Variants in NLK observed in about 807,000 individuals in gnomAD.
NLK encodes nemo like kinase, also known as serine/threonine-protein kinase NLK.
NLK carries 11 observed loss-of-function variants against 59.0 expected under a neutral mutation model. That is an observed-to-expected ratio of 0.19 (90% CI 0.12 to 0.31). The LOEUF (loss-of-function observed/expected upper bound fraction) is 0.31. Ranked by LOEUF, NLK falls within the 10% of genes least tolerant of loss-of-function variation. The probability of loss-of-function intolerance (pLI) is 1.00; values close to 1 mark genes in which losing one functional copy is unlikely to be tolerated. For missense variants in NLK, 410 were observed against 661.1 expected (o/e 0.62, Z 4.16); for synonymous variants, 235 against 235.9 (o/e 1.00, Z 0.03).
At chr17:28,059,227 T>C (rs1384939490) in intron 1 of NLK, among the ~76,000 whole-genome samples, 1 of 152,138 alleles carries the variant, frequency 6.6e-6, no homozygotes, top group Non-Finnish European at 1.5e-5. Flanking sequence ...AGGACACTTG[T>C]TATTATTTAT....
intron 1 of NLK, chr17:28,048,008 G>A (rs1272768662): frequency 2.5e-6 from 1 of 398,268 alleles, no homozygotes; most frequent in Non-Finnish European, 4.4e-6. Flanking sequence ...TTTGTGAAAA[G>A]AGCTTTGAAG....
intron 1 of NLK, among the ~76,000 whole-genome samples, chr17:28,064,842 A>G (rs953607463): frequency 5.9e-5 from 9 of 152,238 alleles, no homozygotes; most frequent in Non-Finnish European, 1.0e-4. Flanking sequence ...AGGGGTTATA[A>G]TGGTACCTAT....
chr17:28,055,984 GTAA>G (rs1485562526), intron 1 of NLK, among the ~76,000 whole-genome samples: 1 of 152,122 alleles, frequency 6.6e-6, no homozygotes, highest in Admixed American at 6.5e-5. Context: ...TATTATCAGA[GTAA>G]TAGTATGTTT....
At chr17:28,172,717 A>G (rs190798519) in intron 7 of NLK, 99 bp downstream of exon 7, 255 of 554,612 alleles carry the variant, frequency 4.6e-4, no homozygotes, top group Middle Eastern at 6.2e-4. Flanking sequence ...CAAATGTATT[A>G]TCTGTAGGAT....
At chr17:28,141,723 A>G (rs763594049) in intron 3 of NLK, among the ~76,000 whole-genome samples, 2 of 152,226 alleles carry the variant, frequency 1.3e-5, no homozygotes, top group Non-Finnish European at 2.9e-5. Context: ...TGAAGTTTAC[A>G]TGACTGATAT....
chr17:28,133,515 G>C (rs559681405), intron 3 of NLK, among the ~76,000 whole-genome samples: 35 of 152,094 alleles, frequency 2.3e-4, no homozygotes, highest in Non-Finnish European at 4.6e-4. Context: ...AATAATGCCT[G>C]GTGATAGCTC....
chr17:28,121,290 C>A (rs111739556), intron 1 of NLK, among the ~76,000 whole-genome samples: 3 of 149,736 alleles, frequency 2.0e-5, no homozygotes, highest in Non-Finnish European at 4.4e-5. Flanking sequence ...AGGGGCTGAA[C>A]GATAATAGCT....
the NLK span, among the ~76,000 whole-genome samples, chr17:28,202,016 A>C: frequency 6.6e-6 from 1 of 152,164 alleles, no homozygotes; most frequent in Admixed American, 6.6e-5. Context: ...ACTCTGTCTC[A>C]AAAGGAAAAA....
At chr17:28,111,078 T>C (rs1597686857) in intron 1 of NLK, among the ~76,000 whole-genome samples, 1 of 152,188 alleles carries the variant, frequency 6.6e-6, no homozygotes, top group Admixed American at 6.5e-5. Flanking sequence ...TCTCCTGACC[T>C]CGTGATCCGC....
intron 1 of NLK, among the ~76,000 whole-genome samples, 158 bp from the exon 2 acceptor site, chr17:28,122,444 CT>C (rs1328193861): frequency 6.6e-6 from 1 of 151,898 alleles, no homozygotes; most frequent in Non-Finnish European, 1.5e-5. Context: ...GATATGTACT[CT>C]TTTATCTTTC....
At chr17:28,144,277 C>T (rs1369755439) in intron 3 of NLK, among the ~76,000 whole-genome samples, 3 of 151,754 alleles carry the variant, frequency 2.0e-5, no homozygotes, top group South Asian at 4.2e-4. Flanking sequence ...TTTTAAAGCA[C>T]TGTTTAAAGT....
chr17:28,168,652 C>A lies in NLK; in HGVS notation c.1042C>A (p.Gln348Lys). 6.2e-7 allele frequency: 1 copy of A among 1,612,136 alleles called. No individual in the cohort carries two copies. Among genetic ancestry groups the A allele is most frequent in the South Asian group, 1.1e-5 (1 of 91,024 alleles). Reference sequence around the variant, plus strand: ...ATTGTTTCAGGCACAGAGTCCCATTCAGCAGGTATGATTTCAATTTAAGGC... The same window carrying A: ...ATTGTTTCAGGCACAGAGTCCCATTAAGCAGGTATGATTTCAATTTAAGGC... ...RILFQAQSPI[Q>K]QLDLITDLLG... is the part of the protein sequence containing the mutation. Residue 348 changes from glutamine (Q) to lysine (K), a missense_variant, in exon 6 of 11, where the codon CAG becomes AAG. Transcript: ENST00000407008.
rs35670559 is a variant in NLK, at chr17:28,186,437, CT to C, written c.1236+1173del. Among the ~76,000 whole-genome samples, 796 of 152,120 alleles carry C rather than the reference CT, an allele frequency of 5.2e-3. 13 individuals are homozygous for C. Among genetic ancestry groups the C allele is most frequent in the African/African-American group, 0.018 (731 of 41,508 alleles). On this transcript the variant is annotated intron_variant, in intron 8 of 10. Coordinates refer to ENST00000407008, the MANE Select transcript of NLK (RefSeq NM_016231.5). ...TATGTGTTTATTTTGGTGTTTTTTG[CT>C]GTTGTTTTCTTTTTTGTTTTTTTAC...
chr17:28,134,447 C>T (rs1210499172), intron 3 of NLK, among the ~76,000 whole-genome samples: 1 of 152,134 alleles, frequency 6.6e-6, no homozygotes, highest in East Asian at 1.9e-4. Context: ...ATAATGACTA[C>T]TTACATAGTA....
intron 1 of NLK, 138 bp from the exon 2 acceptor site, chr17:28,122,465 C>A: frequency 1.2e-6 from 1 of 841,774 alleles, no homozygotes; most frequent in East Asian, 2.5e-5. Context: ...CTCACTGACA[C>A]CTTAAGCTTC....
At chr17:28,180,338 G>T (rs1327367492) in intron 7 of NLK, among the ~76,000 whole-genome samples, 1 of 152,010 alleles carries the variant, frequency 6.6e-6, no homozygotes, top group African/African-American at 2.4e-5. Context: ...CTTTTAATTT[G>T]TTCTCTGTCC....
Position 28,191,115 on chromosome 17 carries a change from C to G in NLK, c.1331C>G (p.Ser444Cys). 1 of 1,613,926 alleles carries G rather than the reference C, an allele frequency of 6.2e-7. No individual in the cohort carries two copies. Among genetic ancestry groups the G allele is most frequent in the East Asian group, 2.2e-5 (1 of 44,884 alleles). Reference sequence around the variant, plus strand: ...ACATGTATGTGTAAATGTTGCTTTTCCACCTCCACTGGAAGAGTTTATACC... The same window carrying G: ...ACATGTATGTGTAAATGTTGCTTTTGCACCTCCACTGGAAGAGTTTATACC... ...YHTCMCKCCF[S>C]TSTGRVYTSD... is the part of the protein sequence containing the mutation. The change falls in exon 9 of 11, where the codon TCC becomes TGC. Residue 444 changes from serine (S) to cysteine (C), a missense_variant. This residue lies in a region of NLK where 150 missense variants were observed against 244.3 expected (regional missense o/e 0.61). Transcript: ENST00000407008.
In NLK at chr17:28,164,091, C is replaced by T. The variant is rs1225145456; in HGVS notation, c.837+463C>T. On this transcript the variant is annotated intron_variant, in intron 5 of 10. Coordinates refer to ENST00000407008, the MANE Select transcript of NLK (RefSeq NM_016231.5). ...CATATTTAAAAGGGATAGTGCTGGCCAGACACGGTGGCTCATGCCTGTAAT... is the reference window on the plus strand; with the variant it reads ...CATATTTAAAAGGGATAGTGCTGGCTAGACACGGTGGCTCATGCCTGTAAT... Among the ~76,000 whole-genome samples the T allele has an allele frequency of 3.3e-5, 5 of 152,192 alleles. No individual in the cohort carries two copies. In the East Asian group the frequency reaches 9.7e-4, roughly 29 times the overall value.
chr17:28,197,504 C>T (rs997369197), downstream of NLK, among the ~76,000 whole-genome samples: 2 of 150,574 alleles, frequency 1.3e-5, no homozygotes, highest in South Asian at 2.1e-4. Context: ...AATTCCTTTA[C>T]AGATAAGTAT....
Sources: gnomAD v4.1 joint callset for allele counts (sites outside exome capture counted in the v4.1 genomes callset) on GRCh38, gnomAD v4.1.1 for gene constraint, gnomAD v4.1.1 regional missense constraint, MANE v1.5 for transcripts, NCBI Gene and HGNC (gene_info 2026-07-23, HGNC 2026-07-21) for gene names.